The following GRM7 variants were observed in gnomAD, a reference collection of about 807,000 sequenced individuals.
GRM7 encodes the protein metabotropic glutamate receptor 7.
A neutral mutation model predicts 84.5 loss-of-function variants in GRM7; 35 were observed. That is an observed-to-expected ratio of 0.41 (90% CI 0.32 to 0.55). The LOEUF (loss-of-function observed/expected upper bound fraction) is 0.55. Ranked by LOEUF, GRM7 falls within the 20% of genes least tolerant of loss-of-function variation. GRM7 has a pLI of 0.19. For missense variants in GRM7, 1,003 were observed against 1,194.6 expected, an observed-to-expected ratio of 0.84 and a Z score of 2.36; for synonymous variants, 487 against 455.1, an observed-to-expected ratio of 1.07 and a Z score of -0.89.
At chr3:7,425,557 C>T (rs1168008897) in intron 5 of GRM7, among the ~76,000 whole-genome samples, 2 of 152,102 alleles carry the variant, frequency 1.3e-5, no homozygotes, top group African/African-American at 4.8e-5. Flanking sequence ...CAAAATAATA[C>T]CTTTAAGAAA....
Position 7,066,860 on chromosome 3 carries a change from G to T in GRM7, c.520-79592G>T, listed in dbSNP as rs372537093. 6.6e-5 allele frequency among the ~76,000 whole-genome samples: 10 copies of T among 152,046 alleles called. 1 individual carries two copies. In the East Asian group the frequency reaches 1.9e-3, roughly 29 times the overall value. ...GGTTTCATACCAGGGATGCAGGGAT[G>T]ATTTAACATACGCAAGTCAGTAAAT... On this transcript the variant is annotated intron_variant, in intron 1 of 9. Transcript: ENST00000357716.
At position 6,890,251 on chromosome 3, in the gene GRM7, A is replaced by T. The variant is rs560157214; in HGVS notation, c.519+28344A>T. ...TTTCCTTCAGTTCTGCTCTGATTTTAGTTATTCCTTGCCTTCTGCTAGCTT... is the reference window on the plus strand; with the variant it reads ...TTTCCTTCAGTTCTGCTCTGATTTTTGTTATTCCTTGCCTTCTGCTAGCTT... On this transcript the variant is annotated intron_variant, in intron 1 of 9. Transcript: ENST00000357716. 4.0e-3 allele frequency among the ~76,000 whole-genome samples: 603 copies of T among 151,950 alleles called. 4 individuals are homozygous for T. The highest frequency in any genetic ancestry group is 0.014 in the African/African-American group (561 of 41,430).
rs189270642 is a variant in GRM7 at position 6,921,486 on chromosome 3, C to G, written c.519+59579C>G. Among the ~76,000 whole-genome samples the G allele has an allele frequency of 4.1e-4, 62 of 152,232 alleles. No homozygotes were observed. In the East Asian group the frequency reaches 0.011, roughly 28 times the overall value. On this transcript the variant is annotated intron_variant, in intron 1 of 9. Transcript: ENST00000357716. Reference sequence around the variant, plus strand: ...TAGTAGGACACACTAATTAGAATTTCAAAGAGCTTACATCTATTAAAACGT... The same window carrying G: ...TAGTAGGACACACTAATTAGAATTTGAAAGAGCTTACATCTATTAAAACGT...
At chr3:7,143,527 C>T (rs189651744) in intron 1 of GRM7, among the ~76,000 whole-genome samples, 157 of 152,220 alleles carry the variant, frequency 1.0e-3, no homozygotes, top group South Asian at 2.3e-3. Context: ...TCCTTATTTA[C>T]ACCGGAAGGG....
chr3:7,493,076 G>T (rs1341693792), intron 7 of GRM7, among the ~76,000 whole-genome samples: 1 of 152,048 alleles, frequency 6.6e-6, no homozygotes, highest in Non-Finnish European at 1.5e-5. Context: ...GATGAAGTAT[G>T]TTTATGATAA....
chr3:7,038,162 C>T (rs1425846552), intron 1 of GRM7, among the ~76,000 whole-genome samples: 1 of 152,134 alleles, frequency 6.6e-6, no homozygotes, highest in Admixed American at 6.6e-5. Context: ...AAAGCTGATG[C>T]CTAGTACCCT....
Position 7,059,064 on chromosome 3 carries a change from T to C in GRM7, c.520-87388T>C, listed in dbSNP as rs149898309. Among the ~76,000 whole-genome samples, 346 of 151,952 alleles carry C rather than the reference T, an allele frequency of 2.3e-3. 8 individuals carry two copies. The East Asian group carries it at 0.055, about 24-fold the overall frequency. Reference sequence around the variant, plus strand: ...GCTAGCAGATATTTAAGAATGTTAGTACAGGTCTTTGAATACATTTTGCTT... The same window carrying C: ...GCTAGCAGATATTTAAGAATGTTAGCACAGGTCTTTGAATACATTTTGCTT... On this transcript the variant is annotated intron_variant, in intron 1 of 9. Coordinates refer to ENST00000357716, the MANE Select transcript of GRM7 (RefSeq NM_000844.4).
chr3:7,392,877 C>T lies in GRM7; in HGVS notation c.1034-22146C>T, dbSNP rs113718934. Among the ~76,000 whole-genome samples, 501 of 152,284 alleles carry T rather than the reference C, an allele frequency of 3.3e-3. 4 individuals carry two copies. Among genetic ancestry groups the T allele is most frequent in the African/African-American group, 0.012 (479 of 41,554 alleles). On this transcript the variant is annotated intron_variant, in intron 4 of 9. Coordinates refer to ENST00000357716, the MANE Select transcript of GRM7 (RefSeq NM_000844.4). ...ATCTTAGTCTCACCACAGCCTGTTACAGGGCAGTGGGCATTATCCTAGACA... is the reference window on the plus strand; with the variant it reads ...ATCTTAGTCTCACCACAGCCTGTTATAGGGCAGTGGGCATTATCCTAGACA...
At chr3:7,199,027 T>G (rs1212058951) in intron 2 of GRM7, among the ~76,000 whole-genome samples, 1 of 152,194 alleles carries the variant, frequency 6.6e-6, no homozygotes, top group Non-Finnish European at 1.5e-5. Context: ...CAAGGTTCAT[T>G]GTTGTAAGTA....
At chr3:6,873,136 A>C (rs1450136719) in intron 1 of GRM7, among the ~76,000 whole-genome samples, 1 of 152,040 alleles carries the variant, frequency 6.6e-6, no homozygotes. Flanking sequence ...CAGTGGCGCG[A>C]TCTCGGCTCA....
intron 7 of GRM7, among the ~76,000 whole-genome samples, chr3:7,568,186 G>A (rs1451674512): frequency 6.6e-6 from 1 of 152,144 alleles, no homozygotes; most frequent in South Asian, 2.1e-4. Context: ...TGGGAACTGG[G>A]GAGCCTGGCA....
At chr3:6,984,458 A>G (rs1158986643) in intron 1 of GRM7, among the ~76,000 whole-genome samples, 4 of 152,184 alleles carry the variant, frequency 2.6e-5, no homozygotes, top group Non-Finnish European at 4.4e-5. Flanking sequence ...ACTTTATTCC[A>G]TCAATGGTTA....
chr3:7,371,634 T>C (rs910440065), intron 4 of GRM7, among the ~76,000 whole-genome samples: 2 of 152,184 alleles, frequency 1.3e-5, no homozygotes, highest in African/African-American at 4.8e-5. Flanking sequence ...ATGTACGTTC[T>C]GTGAATAAGC....
At chr3:6,934,335 G>A (rs80178178) in intron 1 of GRM7, among the ~76,000 whole-genome samples, 36 of 151,698 alleles carry the variant, frequency 2.4e-4, no homozygotes, top group East Asian at 3.9e-4. Flanking sequence ...TTTTAATATC[G>A]TTTCTGTACC....
chr3:7,682,821 C>T (rs1473784829), intron 9 of GRM7, among the ~76,000 whole-genome samples: 1 of 152,178 alleles, frequency 6.6e-6, no homozygotes, highest in South Asian at 2.1e-4. Context: ...CTAATGCTTG[C>T]ATAAGGTACT....
chr3:7,566,539 C>G (rs1559407066), intron 7 of GRM7, among the ~76,000 whole-genome samples: 1 of 151,936 alleles, frequency 6.6e-6, no homozygotes, highest in African/African-American at 2.4e-5. Context: ...TTTTAGGAAA[C>G]TATCACAGAG....
intron 8 of GRM7, among the ~76,000 whole-genome samples, chr3:7,585,692 T>C (rs946784633): frequency 6.6e-6 from 1 of 152,154 alleles, no homozygotes; most frequent in Non-Finnish European, 1.5e-5. Context: ...TGTCTTGCGC[T>C]TTGAGACCTC....
intron 1 of GRM7, among the ~76,000 whole-genome samples, chr3:7,018,197 G>A (rs1174240451): frequency 1.3e-5 from 2 of 152,126 alleles, no homozygotes; most frequent in African/African-American, 4.8e-5. Flanking sequence ...AAGAAGTACT[G>A]TATTTACATT....
At chr3:7,235,231 G>C (rs892213003) in intron 2 of GRM7, among the ~76,000 whole-genome samples, 11 of 152,276 alleles carry the variant, frequency 7.2e-5, no homozygotes, top group Admixed American at 2.0e-4. Context: ...GATGTCCTGA[G>C]TGTTTGTACA....
Sources: gnomAD v4.1 joint callset for allele counts (sites outside exome capture counted in the v4.1 genomes callset) on GRCh38, gnomAD v4.1.1 for gene constraint, MANE v1.5 for transcripts, NCBI Gene and HGNC (gene_info 2026-07-23, HGNC 2026-07-21) for gene names.